Variants in LAMB2 observed in about 807,000 individuals in gnomAD.
LAMB2 encodes laminin subunit beta-2.
In LAMB2, 119 loss-of-function variants were observed where a neutral mutation model predicts 202.7. That is an observed-to-expected ratio of 0.59 (90% CI 0.51 to 0.68). The LOEUF is 0.68. Among genes scored for constraint, LAMB2 ranks in the 30% least tolerant of loss-of-function variants. LAMB2 has a pLI of 0.00. For synonymous variants in LAMB2, 818 were observed against 902.2 expected, an observed-to-expected ratio of 0.91 and a Z score of 1.67; for missense variants, 2,124 against 2,410.6, an observed-to-expected ratio of 0.88 and a Z score of 2.49.
At position 49,131,004 on chromosome 3, in the gene LAMB2, T is replaced by C; in HGVS notation, c.861A>G (p.Gly287=). ...GGGCGGGTGCACACTCTGAGGCGTG[T>C]CCGTAGCAGAAGCAGTTGCCACGTA... ...LVVRGNCFCY[G]HASECAPAPG... Residue 287 remains glycine (G), a synonymous_variant, in exon 7 of 32, where the codon GGA becomes GGG. Coordinates refer to ENST00000305544, the MANE Select transcript of LAMB2 (RefSeq NM_002292.4). The surrounding 1 kb of genome is among the most constrained non-coding windows in gnomAD (Gnocchi z 5.0). The C allele has an allele frequency of 2.5e-6, 4 of 1,613,948 alleles. No homozygotes were observed. In the South Asian group the frequency reaches 4.4e-5, roughly 18 times the overall value.
rs202135107 is a variant in LAMB2 at position 49,123,884 on chromosome 3, C to T, written c.3641G>A (p.Arg1214Gln). 6.3e-5 allele frequency: 101 copies of T among 1,613,492 alleles called. 1 individual carries two copies. In the East Asian group the frequency reaches 1.2e-3, roughly 19 times the overall value. The stretch of plus-strand genomic sequence containing the variant: ...ACCCGTCTGTTGCAACTCCTGCGCC[C>T]GCTGCTCTAGGCGCTGTGTACGGGC... ...LAARTQRLEQ[R>Q]AQELQQTGVL... Residue 1214 changes from arginine (R) to glutamine (Q), a missense_variant, in exon 24 of 32, where the codon CGG becomes CAG. Arg to Gln is a conservative substitution (Grantham distance 43). Around this residue, in one of 3 missense-constraint regions of LAMB2, gnomAD observed 1,702 missense variants for 1,896.3 expected, o/e 0.90. Transcript: ENST00000305544.
rs1270328852 is a variant in LAMB2, at chr3:49,125,284, G to A, written c.2689C>T (p.Arg897Cys). ...NTHTGACLGC[R>C]DHTGGEHCER... Reference sequence around the variant, plus strand: ...CAGTGCTCACCCCCTGTGTGATCACGGCAGCCCAGGCAAGCGCCTGTGTGG... The same window carrying A: ...CAGTGCTCACCCCCTGTGTGATCACAGCAGCCCAGGCAAGCGCCTGTGTGG... Residue 897 changes from arginine to cysteine, a missense_variant, in exon 19 of 32, where the codon CGT (arginine) becomes TGT (cysteine). Physicochemically the swap from Arg to Cys is radical, Grantham distance 180. Coordinates refer to ENST00000305544, the MANE Select transcript of LAMB2 (RefSeq NM_002292.4). 5 of 1,613,742 alleles carry A rather than the reference G, an allele frequency of 3.1e-6. No individual in the cohort carries two copies. Among genetic ancestry groups the A allele is most frequent in the East Asian group, 2.2e-5 (1 of 44,888 alleles).
Position 49,129,403 on chromosome 3 carries a change from G to A in LAMB2, c.1519-79C>T, listed in dbSNP as rs537548611. 91 of 1,318,594 alleles carry A rather than the reference G, an allele frequency of 6.9e-5. No homozygotes were observed. The highest frequency in any genetic ancestry group is 9.2e-5 in the Non-Finnish European group (85 of 928,214). The allele number at this position is 1,318,594 out of a possible 1,614,324, so 81.7% of individuals were successfully genotyped here. ...ACCCAGCAGGAAATCCCAACCACAC[G>A]TCTTAGCCTCAATCACCCCTCAGTG... On this transcript the variant is annotated intron_variant, in intron 11 of 31. Transcript: ENST00000305544. The surrounding 1 kb of genome is among the most constrained non-coding windows in gnomAD (Gnocchi z 6.1).
At position 49,123,770 on chromosome 3, in the gene LAMB2, G is replaced by A. The variant is rs1410642056; in HGVS notation, c.3755C>T (p.Ala1252Val). ...CTCCACAAGCTGTGCAGTGGAGGCG[G>A]CTGAGGTGTTGCGGGCACCTACGAT... Reference protein sequence around the residue: ...QGIVGARNTSAASTAQLVEAT... With the variant: ...QGIVGARNTSVASTAQLVEAT... The change falls in exon 24 of 32, where the codon GCC becomes GTC. Residue 1252 changes from alanine (A) to valine (V), a missense_variant. This residue lies in a region of LAMB2 where 1,702 missense variants were observed against 1,896.3 expected (regional missense o/e 0.90). Transcript: ENST00000305544. 6.2e-7 allele frequency: 1 copy of A among 1,613,374 alleles called. No homozygotes were observed. The highest frequency in any genetic ancestry group is 1.6e-4 in the Middle Eastern group (1 of 6,062).
Position 49,131,206 on chromosome 3 carries a change from TC to T in LAMB2, c.713-55del. The T allele has an allele frequency of 6.4e-7, 1 of 1,558,664 alleles. No homozygotes were observed. Among genetic ancestry groups the T allele is most frequent in the Non-Finnish European group, 8.8e-7 (1 of 1,132,922 alleles). ...CCAGGCAGGCCCTTGCTGCCCCATGTCCACCCAGGGGCTCAGCTGCCAAGGT... is the reference window on the plus strand; with the variant it reads ...CCAGGCAGGCCCTTGCTGCCCCATGTCACCCAGGGGCTCAGCTGCCAAGGT... On this transcript the variant is annotated intron_variant, in intron 6 of 31. Coordinates refer to ENST00000305544, the MANE Select transcript of LAMB2 (RefSeq NM_002292.4). This position sits in a 1 kb window ranked among gnomAD's most constrained non-coding sequence, Gnocchi z 5.0.
At position 49,123,861 on chromosome 3, in the gene LAMB2, C is replaced by G. The variant is rs748563846; in HGVS notation, c.3664G>C (p.Gly1222Arg). 1.4e-4 allele frequency: 218 copies of G among 1,613,310 alleles called. No individual in the cohort carries two copies. In the East Asian group the frequency reaches 4.8e-3, roughly 36 times the overall value. Residue 1222 changes from glycine to arginine, a missense_variant, in exon 24 of 32, where the codon GGT (glycine) becomes CGT (arginine). Physicochemically the swap from Gly to Arg is moderately radical, Grantham distance 125. Transcript: ENST00000305544. The part of the protein sequence containing the change: ...EQRAQELQQT[G>R]VLGAFESSFW... ...CTGCTCTCAAAGGCACCCAGCACAC[C>G]CGTCTGTTGCAACTCCTGCGCCCGC...
chr3:49,123,514 A>C lies in LAMB2; in HGVS notation c.3915T>G (p.Leu1305=). 1 of 1,614,220 alleles carries C rather than the reference A, an allele frequency of 6.2e-7. No individual in the cohort carries two copies. ...GCTGCCGCAGTGTGAGATTAAGTGCAAGCCTATCTCGCTCCAGACCACTTA... is the reference window on the plus strand; with the variant it reads ...GCTGCCGCAGTGTGAGATTAAGTGCCAGCCTATCTCGCTCCAGACCACTTA... ...HALSGLERDR[L]ALNLTLRQLD... The change falls in exon 25 of 32, where the codon CTT becomes CTG. Residue 1305 remains leucine, a synonymous_variant. Transcript: ENST00000305544.
intron 17 of LAMB2, 33 bp downstream of exon 17, chr3:49,125,934 T>G: frequency 6.2e-7 from 1 of 1,614,068 alleles, no homozygotes; most frequent in South Asian, 1.1e-5. Context: ...GGTCCCCACC[T>G]CTGCCCCATC....
Position 49,131,390 on chromosome 3 carries a change from G to A in LAMB2, c.701C>T (p.Ser234Leu), listed in dbSNP as rs2107644618. 6.2e-7 allele frequency: 1 copy of A among 1,614,126 alleles called. No homozygotes were observed. Among genetic ancestry groups the A allele is most frequent in the Admixed American group, 1.7e-5 (1 of 60,018 alleles). ...PAIPIPDPYS[S>L]RIQNLLKITN... Reference sequence around the variant, plus strand: ...GGTGGAGCACTCACTCTGAATCCGTGAGCTGTAGGGGTCTGGGATAGGGAT... The same window carrying A: ...GGTGGAGCACTCACTCTGAATCCGTAAGCTGTAGGGGTCTGGGATAGGGAT... Residue 234 changes from serine (S) to leucine (L), a missense_variant, in exon 6 of 32, where the codon TCA (serine) becomes TTA (leucine). Around this residue, in one of 3 missense-constraint regions of LAMB2, gnomAD observed 256 missense variants for 356.1 expected, o/e 0.72. Coordinates refer to ENST00000305544, the MANE Select transcript of LAMB2 (RefSeq NM_002292.4). The surrounding 1 kb of genome is among the most constrained non-coding windows in gnomAD (Gnocchi z 5.0).
In LAMB2 at chr3:49,123,578, G is replaced by A. The variant is rs183898563; in HGVS notation, c.3851C>T (p.Thr1284Ile). 6.2e-7 allele frequency: 1 copy of A among 1,614,190 alleles called. No individual in the cohort carries two copies. Among genetic ancestry groups the A allele is most frequent in the East Asian group, 2.2e-5 (1 of 44,886 alleles). Residue 1284 changes from threonine to isoleucine, a missense_variant, in exon 25 of 32, where the codon ACA (threonine) becomes ATA (isoleucine). Transcript: ENST00000305544. ...ATTGAAGTTCTCATCTTGCACATCT[G>A]TCAGGTCTGCCTCGAGCTGAGTCAG... ...EHLTQLEADL[T>I]DVQDENFNAN...
At position 49,123,036 on chromosome 3, in the gene LAMB2, C is replaced by G; in HGVS notation, c.4241G>C (p.Gly1414Ala). ...DINELVCGAP[G>A]DAPCATSPCG... ...AGGGCTTGTAGCACAGGGTGCATCC[C>G]CTGGTGCCCCACACACCTGCCAGGC... The change falls in exon 27 of 32, where the codon GGG becomes GCG. Residue 1414 changes from glycine (G) to alanine (A), a missense_variant. This residue lies in a region of LAMB2 where 1,702 missense variants were observed against 1,896.3 expected (regional missense o/e 0.90). Coordinates refer to ENST00000305544, the MANE Select transcript of LAMB2 (RefSeq NM_002292.4). The G allele has an allele frequency of 6.2e-7, 1 of 1,607,494 alleles. No homozygotes were observed. The highest frequency in any genetic ancestry group is 8.5e-7 in the Non-Finnish European group (1 of 1,179,978).
At chr3:49,124,309 T>C (rs1251489522) in intron 22 of LAMB2, 23 bp from the exon 23 acceptor site, 2 of 1,613,384 alleles carry the variant, frequency 1.2e-6, no homozygotes, top group African/African-American at 2.7e-5. Context: ...CAAGGCAGGG[T>C]CAGAGCCTCT....
chr3:49,126,119 C>A lies in LAMB2; in HGVS notation c.2192G>T (p.Ser731Ile). Residue 731 changes from serine to isoleucine, a missense_variant, in exon 17 of 32, where the codon AGT (serine) becomes ATT (isoleucine). Ser to Ile is a moderately radical substitution (Grantham distance 142, BLOSUM62 -2). Transcript: ENST00000305544. ...CTCCAGGGCAGCAGCATCACCCCCA[C>A]TAAACATCTCTAGCACCAGGACACG... is the stretch of plus-strand genomic sequence containing the variant. ...LPRVLVLEMF[S>I]GGDAAALERQ... The A allele has an allele frequency of 1.2e-6, 2 of 1,613,578 alleles. No individual in the cohort carries two copies. Among genetic ancestry groups the A allele is most frequent in the Non-Finnish European group, 1.7e-6 (2 of 1,180,018 alleles).
At position 49,131,172 on chromosome 3, in the gene LAMB2, G is replaced by A. The variant is rs761966305; in HGVS notation, c.713-20C>T. ...ACAGGTCTGAGGCGGGGGAAGGGGG[G>A]CCAACTGACCAGGCAGGCCCTTGCT... is the stretch of plus-strand genomic sequence containing the variant. On this transcript the variant is annotated intron_variant, in intron 6 of 31. Coordinates refer to ENST00000305544, the MANE Select transcript of LAMB2 (RefSeq NM_002292.4). The surrounding 1 kb of genome is among the most constrained non-coding windows in gnomAD (Gnocchi z 5.0). 26 of 1,610,554 alleles carry A rather than the reference G, an allele frequency of 1.6e-5. No individual in the cohort carries two copies. The highest frequency in any genetic ancestry group is 1.8e-4 in the Middle Eastern group (1 of 5,556).
Position 49,130,936 on chromosome 3 carries a change from C to G in LAMB2, c.915+14G>C, listed in dbSNP as rs757007227. 9 of 1,614,138 alleles carry G rather than the reference C, an allele frequency of 5.6e-6. No homozygotes were observed. Among genetic ancestry groups the G allele is most frequent in the South Asian group, 1.1e-5 (1 of 91,088 alleles). On this transcript the variant is annotated intron_variant, in intron 7 of 31. Coordinates refer to ENST00000305544, the MANE Select transcript of LAMB2 (RefSeq NM_002292.4). This position sits in a 1 kb window ranked among gnomAD's most constrained non-coding sequence, Gnocchi z 5.0. ...CTGCCCCTAGCCCTATCCCAACCGTCTGAAGCCCCTTACCATGCCCTCAGC... is the reference window on the plus strand; with the variant it reads ...CTGCCCCTAGCCCTATCCCAACCGTGTGAAGCCCCTTACCATGCCCTCAGC...
In LAMB2 at chr3:49,131,265, G is replaced by A. The variant is rs982216259; in HGVS notation, c.713-113C>T. ...AAAGACCTCCTATACACTGCCACCCGAGCTAAACTGGGCTTGGCACCTGCC... is the reference window on the plus strand; with the variant it reads ...AAAGACCTCCTATACACTGCCACCCAAGCTAAACTGGGCTTGGCACCTGCC... On this transcript the variant is annotated intron_variant, in intron 6 of 31. Coordinates refer to ENST00000305544, the MANE Select transcript of LAMB2 (RefSeq NM_002292.4). This position sits in a 1 kb window ranked among gnomAD's most constrained non-coding sequence, Gnocchi z 5.0. The A allele has an allele frequency of 6.9e-6, 10 of 1,459,294 alleles. No individual in the cohort carries two copies. Among genetic ancestry groups the A allele is most frequent in the African/African-American group, 1.4e-5 (1 of 71,454 alleles). 90.4% of individuals were successfully genotyped at this position (1,459,294 alleles called of 1,614,324 possible). A position where few individuals can be genotyped will look rare whatever the true frequency, so the allele number is the denominator to read the frequency against.
Position 49,121,871 on chromosome 3 carries a change from T to A in LAMB2, c.4924-11A>T. The A allele has an allele frequency of 5.6e-6, 9 of 1,613,296 alleles. No homozygotes were observed. The highest frequency in any genetic ancestry group is 7.6e-6 in the Non-Finnish European group (9 of 1,180,016). On this transcript the variant is annotated splice_polypyrimidine_tract_variant and intron_variant, in intron 29 of 31. Transcript: ENST00000305544. ...CATCCTCTCCTGTACCTGCCATGGG[T>A]GAGCCAAAGGTTACACAGATCTACG...
At position 49,124,985 on chromosome 3, in the gene LAMB2, C is replaced by T. The variant is rs138542437; in HGVS notation, c.2884+21G>A. 6.1e-4 allele frequency: 981 copies of T among 1,613,960 alleles called. 3 individuals carry two copies. In the African/African-American group the frequency reaches 0.011, roughly 17 times the overall value. On this transcript the variant is annotated intron_variant, in intron 20 of 31. Coordinates refer to ENST00000305544, the MANE Select transcript of LAMB2 (RefSeq NM_002292.4). ...GCCCAGCCAACTCACCCTGATCCCA[C>T]GCCTGCCCCCATCCACTCACCCGTA...
At position 49,121,531 on chromosome 3, in the gene LAMB2, G is replaced by A. The variant is rs1249944603; in HGVS notation, c.5162C>T (p.Ala1721Val). Residue 1721 changes from alanine (A) to valine (V), a missense_variant, in exon 31 of 32, where the codon GCC (alanine) becomes GTC (valine). Around this residue, in one of 3 missense-constraint regions of LAMB2, gnomAD observed 1,702 missense variants for 1,896.3 expected, o/e 0.90. Coordinates refer to ENST00000305544, the MANE Select transcript of LAMB2 (RefSeq NM_002292.4). Reference protein sequence around the residue: ...QTVKALAERKAQGVLAAQARA... With the variant: ...QTVKALAERKVQGVLAAQARA... The stretch of plus-strand genomic sequence containing the variant: ...TGCCTGTGCAGCCAGCACACCTTGG[G>A]CCTTGCGCTCAGCTAGGGCCTTCAC... 1 of 1,614,070 alleles carries A rather than the reference G, an allele frequency of 6.2e-7. No homozygotes were observed. Among genetic ancestry groups the A allele is most frequent in the Non-Finnish European group, 8.5e-7 (1 of 1,180,042 alleles).
Sources: gnomAD v4.1 joint callset for allele counts on GRCh38, gnomAD v4.1.1 for gene constraint, gnomAD v4.1.1 regional missense constraint, Gnocchi (gnomAD v3.1) non-coding constraint, MANE v1.5 for transcripts, NCBI Gene and HGNC (gene_info 2026-07-23, HGNC 2026-07-21) for gene names.